Variants in CAMK2D observed in about 807,000 individuals in gnomAD.
CAMK2D encodes calcium/calmodulin-dependent protein kinase type II subunit delta.
Under a neutral mutation model 84.0 loss-of-function variants are expected in CAMK2D, and 37 were observed. That is an observed-to-expected ratio of 0.44 (90% CI 0.34 to 0.58). The LOEUF is 0.58. Ranked by LOEUF, CAMK2D falls within the 20% of genes least tolerant of loss-of-function variation. The pLI, the probability that CAMK2D is intolerant of heterozygous loss-of-function variation, is 0.02. For synonymous variants in CAMK2D, 202 were observed against 212.5 expected (o/e 0.95, Z 0.43); for missense variants, 448 against 652.5 (o/e 0.69, Z 3.41).
At chr4:113,508,169 T>C (rs938868202) in intron 13 of CAMK2D, 1 of 1,148,504 alleles carries the variant, frequency 8.7e-7, no homozygotes, top group Non-Finnish European at 1.3e-6. Context: ...CTATCTTAGG[T>C]AAATAAGACT....
At position 113,751,358 on chromosome 4, in the gene CAMK2D, A is replaced by G. The variant is rs117299726; in HGVS notation, c.160+7962T>C. ...TAGCATAATGTGGCATATATCAACT[A>G]TCCACAATTTCTTTATAAAACAGAA... is the stretch of plus-strand genomic sequence containing the variant. On this transcript the variant is annotated intron_variant, in intron 2 of 20. Transcript: ENST00000511664. Among the ~76,000 whole-genome samples the G allele has an allele frequency of 1.4e-3, 219 of 152,364 alleles. 3 individuals are homozygous for G. In the East Asian group the frequency reaches 0.038, roughly 26 times the overall value.
chr4:113,634,695 C>T (rs946000607), intron 3 of CAMK2D, among the ~76,000 whole-genome samples: 1 of 152,178 alleles, frequency 6.6e-6, no homozygotes, highest in African/African-American at 2.4e-5. Context: ...ATTAATTTGA[C>T]ATCTATTTCT....
chr4:113,716,649 C>CAAAAAAAAAAAAAAA (rs397750449), intron 2 of CAMK2D, among the ~76,000 whole-genome samples: 1 of 76,156 alleles, frequency 1.3e-5, no homozygotes, highest in Non-Finnish European at 2.5e-5. Flanking sequence ...AGACTCCATC[C>CAAAAAAAAAAAAAAA]AAAAAAAAAA....
intron 3 of CAMK2D, among the ~76,000 whole-genome samples, chr4:113,647,066 A>G (rs1331870115): frequency 1.3e-5 from 2 of 152,246 alleles, no homozygotes; most frequent in Non-Finnish European, 2.9e-5. Flanking sequence ...CCATAGTAAC[A>G]CATCACTGAT....
chr4:113,681,642 T>A lies in CAMK2D; in HGVS notation c.161-19870A>T, dbSNP rs75055823. Among the ~76,000 whole-genome samples, 161 of 152,242 alleles carry A rather than the reference T, an allele frequency of 1.1e-3. 3 individuals are homozygous for A. In the East Asian group the frequency reaches 0.027, roughly 26 times the overall value. On this transcript the variant is annotated intron_variant, in intron 2 of 20. Transcript: ENST00000511664. ...AAACATTCACTAATCCCAGAAAACT[T>A]CAAGATTATTTTGAGTAACAAAATC...
rs1296558556 is a variant in CAMK2D at position 113,735,288 on chromosome 4, GGAAAAAAAAAAA to G, written c.160+24020_160+24031del. Among the ~76,000 whole-genome samples, 6 of 58,994 alleles carry G rather than the reference GGAAAAAAAAAAA, an allele frequency of 1.0e-4. 1 individual carries two copies. Among genetic ancestry groups the G allele is most frequent in the Admixed American group, 5.8e-4 (2 of 3,466 alleles). The allele number at this position is 58,994 out of a possible 152,430, so 38.7% of individuals were successfully genotyped here. ...CCAACATGGCAAAACCATCTCTACAGGAAAAAAAAAAAAAAAAAAAAAAAAAAAAAAAAAAAA... is the reference window on the plus strand; with the variant it reads ...CCAACATGGCAAAACCATCTCTACAGAAAAAAAAAAAAAAAAAAAAAAAAA... On this transcript the variant is annotated intron_variant, in intron 2 of 20. Coordinates refer to ENST00000511664, the MANE Select transcript of CAMK2D (RefSeq NM_001321571.2).
chr4:113,557,791 T>TA (rs1201378006), intron 4 of CAMK2D, among the ~76,000 whole-genome samples: 1 of 152,162 alleles, frequency 6.6e-6, no homozygotes, highest in Non-Finnish European at 1.5e-5. Context: ...CCTGGGCACA[T>TA]ATACGTATAT....
At chr4:113,732,589 T>A (rs1178475895) in intron 2 of CAMK2D, among the ~76,000 whole-genome samples, 1 of 152,202 alleles carries the variant, frequency 6.6e-6, no homozygotes, top group Admixed American at 6.5e-5. Context: ...ATAATTCACA[T>A]ATTTTTACAT....
intron 2 of CAMK2D, among the ~76,000 whole-genome samples, chr4:113,678,078 G>A (rs1030169445): frequency 6.6e-6 from 1 of 152,110 alleles, no homozygotes. Flanking sequence ...AAATCAGGCT[G>A]CCTACAAGTT....
rs1594293303 is a variant in CAMK2D at position 113,761,049 on chromosome 4, C to G, written c.20G>C (p.Cys7Ser). The G allele has an allele frequency of 6.2e-7, 1 of 1,614,180 alleles. No homozygotes were observed. The highest frequency in any genetic ancestry group is 8.5e-7 in the Non-Finnish European group (1 of 1,180,018). Residue 7 changes from cysteine (C) to serine (S), a missense_variant, in exon 1 of 21, where the codon TGC becomes TCC. Physicochemically the swap from Cys to Ser is moderately radical, Grantham distance 112. Coordinates refer to ENST00000511664, the MANE Select transcript of CAMK2D (RefSeq NM_001321571.2). ...CTGATACTCGTCCGTGAACCTGGTG[C>G]AGGTTGTGGTCGAAGCCATCCTCGG... Reference protein sequence around the residue: MASTTTCTRFTDEYQLF... With the variant: MASTTTSTRFTDEYQLF...
chr4:113,454,576 T>A (rs944609135), intron 20 of CAMK2D, 61 bp from the exon 21 acceptor site: 2 of 772,072 alleles, frequency 2.6e-6, no homozygotes, highest in African/African-American at 3.4e-5. Flanking sequence ...ATCATCAAAT[T>A]GCTTTGCCAT....
chr4:113,598,875 C>T (rs2098939352), intron 4 of CAMK2D, among the ~76,000 whole-genome samples: 2 of 152,072 alleles, frequency 1.3e-5, no homozygotes, highest in Admixed American at 6.6e-5. Flanking sequence ...ATCATGTTGG[C>T]CAGGCTGGTC....
chr4:113,713,780 T>A (rs1208006930), intron 2 of CAMK2D, among the ~76,000 whole-genome samples: 1 of 151,716 alleles, frequency 6.6e-6, no homozygotes. Context: ...TGTTTTTTAA[T>A]AGCCTGGGTA....
At chr4:113,746,428 ATTATT>A (rs2099604289) in intron 2 of CAMK2D, among the ~76,000 whole-genome samples, 1 of 152,072 alleles carries the variant, frequency 6.6e-6, no homozygotes, top group Non-Finnish European at 1.5e-5. Context: ...GAGCCTCTTT[ATTATT>A]TTATCTTATT....
At chr4:113,457,256 T>C in intron 19 of CAMK2D, 79 bp downstream of exon 19, 1 of 1,563,346 alleles carries the variant, frequency 6.4e-7, no homozygotes, top group South Asian at 1.2e-5. Flanking sequence ...ACATATACCA[T>C]GCTATTAACA....
chr4:113,454,054 C>G lies in CAMK2D; in HGVS notation c.*491G>C, dbSNP rs920238463. 1.4e-5 allele frequency: 2 copies of G among 144,602 alleles called. No homozygotes were observed. Among genetic ancestry groups the G allele is most frequent in the African/African-American group, 2.6e-5 (1 of 38,536 alleles). 9.0% of individuals were successfully genotyped at this position (144,602 alleles called of 1,614,324 possible). A position where few individuals can be genotyped will look rare whatever the true frequency, so the allele number is the denominator to read the frequency against. ...TCATCCATTTTAACCAGGATCACAC[C>G]AGGAAACTGAAGGTGTATTTTTTTT... is the stretch of plus-strand genomic sequence containing the variant. On this transcript the variant is annotated 3_prime_UTR_variant, in exon 21 of 21. Transcript: ENST00000511664.
At chr4:113,727,042 T>C (rs1421983517) in intron 2 of CAMK2D, among the ~76,000 whole-genome samples, 13 of 152,178 alleles carry the variant, frequency 8.5e-5, no homozygotes, top group Non-Finnish European at 4.4e-5. Flanking sequence ...AGGTAATTGA[T>C]CAACTAGTCT....
chr4:113,725,436 T>C (rs569742578), intron 2 of CAMK2D, among the ~76,000 whole-genome samples: 60 of 152,270 alleles, frequency 3.9e-4, no homozygotes, highest in South Asian at 6.2e-4. Context: ...ATATAAAATA[T>C]ACTTTAAAAA....
At chr4:113,546,137 A>C (rs2098567906) in intron 6 of CAMK2D, among the ~76,000 whole-genome samples, 1 of 152,230 alleles carries the variant, frequency 6.6e-6, no homozygotes, top group Non-Finnish European at 1.5e-5. Flanking sequence ...AACATGGAGT[A>C]AAATGTTTCA....
Sources: gnomAD v4.1 joint callset for allele counts (sites outside exome capture counted in the v4.1 genomes callset) on GRCh38, gnomAD v4.1.1 for gene constraint, MANE v1.5 for transcripts, NCBI Gene and HGNC (gene_info 2026-07-23, HGNC 2026-07-21) for gene names.